VTI1A: variants seen among roughly 807,000 people sequenced by gnomAD.
VTI1A encodes vesicle transport through interaction with t-SNAREs 1A.
A neutral mutation model predicts 34.9 loss-of-function variants in VTI1A; 22 were observed. That is an observed-to-expected ratio of 0.63 (90% confidence interval 0.45 to 0.90). The LOEUF is 0.90. VTI1A is among the 40% of genes least tolerant of loss of function. The pLI is 0.00. For missense variants in VTI1A, 268 were observed against 275.6 expected (o/e 0.97, Z 0.20); for synonymous variants, 87 against 97.3 (o/e 0.89, Z 0.62).
intron 7 of VTI1A, among the ~76,000 whole-genome samples, chr10:112,703,804 A>C (rs1443636659): frequency 6.6e-6 from 1 of 152,196 alleles, no homozygotes; most frequent in Non-Finnish European, 1.5e-5. Context: ...ATTTTGATAG[A>C]TGCACTGTAG....
intron 7 of VTI1A, 121 bp from the exon 8 acceptor site, chr10:112,815,169 A>ACACG (rs1554965950): frequency 1.8e-6 from 1 of 553,892 alleles, no homozygotes; most frequent in Non-Finnish European, 3.4e-6. Context: ...ACACACACAC[A>ACACG]CACGCTCCCC....
chr10:112,736,109 G>GCGTATATATATATATATA (rs1850447723), intron 7 of VTI1A, among the ~76,000 whole-genome samples: 1 of 116,888 alleles, frequency 8.6e-6, no homozygotes, highest in African/African-American at 4.0e-5. Context: ...ATATGTGTGT[G>GCGTATATATATATATATA]TGTATATATA....
rs1389890877 is a variant in VTI1A at position 112,520,645 on chromosome 10, GTGTATA to G, written c.265-6440_265-6435del. Among the ~76,000 whole-genome samples, 87 of 111,156 alleles carry G rather than the reference GTGTATA, an allele frequency of 7.8e-4. No individual in the cohort carries two copies. In the East Asian group the frequency reaches 0.011, roughly 13 times the overall value. The allele number at this position is 111,156 out of a possible 152,430, so 72.9% of individuals were successfully genotyped here. On this transcript the variant is annotated intron_variant, in intron 3 of 7. Coordinates refer to ENST00000393077, the MANE Select transcript of VTI1A (RefSeq NM_145206.4). ...TATGTGTGTGTGTGTGTGTGTGTGT[GTGTATA>G]TATATATATATATATATATATAAAA... is the stretch of plus-strand genomic sequence containing the variant.
chr10:112,710,981 G>A (rs1451077105), intron 7 of VTI1A, among the ~76,000 whole-genome samples: 3 of 152,050 alleles, frequency 2.0e-5, no homozygotes, highest in Non-Finnish European at 4.4e-5. Flanking sequence ...TCATTTAATG[G>A]GCAGTTTTAA....
chr10:112,836,884 A>C, the VTI1A span, among the ~76,000 whole-genome samples: 7 of 152,330 alleles, frequency 4.6e-5, no homozygotes, highest in Non-Finnish European at 1.0e-4. Context: ...TAAATAAACC[A>C]TCTCGGAAGA....
At chr10:112,496,094 A>G (rs2134138295) in intron 3 of VTI1A, among the ~76,000 whole-genome samples, 1 of 145,860 alleles carries the variant, frequency 6.9e-6, no homozygotes, top group South Asian at 2.2e-4. Flanking sequence ...GCGATGGCTC[A>G]CGCCTGTAAT....
Position 112,586,299 on chromosome 10 carries a change from C to G in VTI1A, c.427+47969C>G, listed in dbSNP as rs80098826. 9.0e-3 allele frequency among the ~76,000 whole-genome samples: 1,374 copies of G among 152,222 alleles called. 12 individuals carry two copies. The highest frequency in any genetic ancestry group is 0.02 in the Middle Eastern group (6 of 294). ...GGACCTTTTGTATTATCCGTGTAAACTCATTTCATTTTAAAATAAGAACTA... is the reference window on the plus strand; with the variant it reads ...GGACCTTTTGTATTATCCGTGTAAAGTCATTTCATTTTAAAATAAGAACTA... On this transcript the variant is annotated intron_variant, in intron 5 of 7. Transcript: ENST00000393077.
intron 5 of VTI1A, among the ~76,000 whole-genome samples, chr10:112,636,581 T>C (rs1846359545): frequency 1.3e-5 from 2 of 151,890 alleles, no homozygotes; most frequent in Non-Finnish European, 2.9e-5. Context: ...ATATAAAAAT[T>C]AGCTGGATGT....
rs1851511819 is a variant in VTI1A at position 112,555,497 on chromosome 10, T to C, written c.427+17167T>C. 1.3e-5 allele frequency among the ~76,000 whole-genome samples: 2 copies of C among 152,096 alleles called. 1 individual carries two copies. Among genetic ancestry groups the C allele is most frequent in the South Asian group, 4.1e-4 (2 of 4,834 alleles). On this transcript the variant is annotated intron_variant, in intron 5 of 7. Transcript: ENST00000393077. ...TTCCTTGGCCTATTCCTTTGGATTA[T>C]TCTGGCTTCATAATGGTGATTTCCT...
At chr10:112,586,131 CT>C (rs34278191) in intron 5 of VTI1A, among the ~76,000 whole-genome samples, 1,483 of 147,204 alleles carry the variant, frequency 0.01, 15 homozygotes, top group Non-Finnish European at 0.015. Flanking sequence ...TAAAGAGTGG[CT>C]TTTTTTTTTT....
At chr10:112,606,438 C>T (rs1845089105) in intron 5 of VTI1A, among the ~76,000 whole-genome samples, 1 of 152,200 alleles carries the variant, frequency 6.6e-6, no homozygotes, top group African/African-American at 2.4e-5. Context: ...TCCTTTACCA[C>T]TCATTTGTCA....
intron 5 of VTI1A, among the ~76,000 whole-genome samples, chr10:112,582,237 T>C (rs1456288249): frequency 1.3e-5 from 2 of 152,174 alleles, no homozygotes; most frequent in Non-Finnish European, 2.9e-5. Context: ...TCTCTTCTTA[T>C]GCGGGCACTA....
chr10:112,665,919 A>C (rs1202293396), intron 5 of VTI1A, among the ~76,000 whole-genome samples: 1 of 152,192 alleles, frequency 6.6e-6, no homozygotes, highest in East Asian at 1.9e-4. Context: ...TAATACCATC[A>C]ATCTGAACAG....
chr10:112,579,289 A>G (rs924597615), intron 5 of VTI1A, among the ~76,000 whole-genome samples: 4 of 152,256 alleles, frequency 2.6e-5, no homozygotes, highest in Non-Finnish European at 4.4e-5. Context: ...AGAGAGATGT[A>G]TGTAAGATCT....
chr10:112,473,825 A>G (rs555893441), intron 3 of VTI1A, among the ~76,000 whole-genome samples: 2 of 152,298 alleles, frequency 1.3e-5, no homozygotes, highest in South Asian at 2.1e-4. Context: ...TCCACAAACA[A>G]TTATATAAGA....
chr10:112,822,651 A>G (rs1024180575), downstream of VTI1A, among the ~76,000 whole-genome samples: 3 of 152,086 alleles, frequency 2.0e-5, no homozygotes, highest in Non-Finnish European at 4.4e-5. Context: ...CTCAATTTCC[A>G]TCTTCTCTCA....
At chr10:112,716,355 G>A (rs1849614271) in intron 7 of VTI1A, among the ~76,000 whole-genome samples, 1 of 152,166 alleles carries the variant, frequency 6.6e-6, no homozygotes, top group African/African-American at 2.4e-5. Flanking sequence ...GACATGGCAG[G>A]CCTTAGGTAG....
At chr10:112,565,930 T>G (rs1306654717) in intron 5 of VTI1A, among the ~76,000 whole-genome samples, 1 of 152,122 alleles carries the variant, frequency 6.6e-6, no homozygotes, top group African/African-American at 2.4e-5. Context: ...ATAATAGAAA[T>G]TTAAATGTAT....
chr10:112,450,441 T>C (rs1156650075), intron 1 of VTI1A: 1 of 152,194 alleles, frequency 6.6e-6, no homozygotes, highest in Non-Finnish European at 1.5e-5. Context: ...GAGCTAAAAG[T>C]GACCCAGAGG....
Sources: allele counts gnomAD v4.1 joint callset (sites outside exome capture counted in the v4.1 genomes callset), GRCh38; gene constraint gnomAD v4.1.1; transcripts MANE v1.5; gene names NCBI Gene and HGNC (gene_info 2026-07-23, HGNC 2026-07-21).